The following CNTN4 variants were observed in gnomAD, a reference collection of about 807,000 sequenced individuals.
CNTN4 encodes the protein contactin-4.
Under a neutral mutation model 122.5 loss-of-function variants are expected in CNTN4, and 77 were observed. The ratio of observed to expected loss-of-function variants is 0.63; its 90% CI spans 0.52 to 0.76. The LOEUF (loss-of-function observed/expected upper bound fraction) is 0.76, where lower values mean the gene tolerates loss of function less well. CNTN4 is among the 30% of genes least tolerant of loss of function. CNTN4 has a pLI of 0.00. For synonymous variants in CNTN4, 512 were observed against 447.0 expected (o/e 1.15, Z -1.83); for missense variants, 1,256 against 1,259.1 (o/e 1.00, Z 0.04).
intron 2 of CNTN4, among the ~76,000 whole-genome samples, chr3:2,124,485 A>G (rs967582812): frequency 6.9e-6 from 1 of 144,034 alleles, no homozygotes. Context: ...CCCTTAAGCA[A>G]GGTATGCTGG....
intron 2 of CNTN4, among the ~76,000 whole-genome samples, chr3:2,301,904 A>C (rs566184607): frequency 1.3e-4 from 20 of 152,350 alleles, no homozygotes; most frequent in Non-Finnish European, 1.2e-4. Flanking sequence ...CGTGAGAGAA[A>C]TCAGCAATAA....
chr3:2,126,739 T>A (rs2034193161), intron 2 of CNTN4, among the ~76,000 whole-genome samples: 1 of 152,130 alleles, frequency 6.6e-6, no homozygotes, highest in African/African-American at 2.4e-5. Context: ...CAAGTAATAT[T>A]TTTCTTACTT....
intron 13 of CNTN4, among the ~76,000 whole-genome samples, chr3:2,927,956 T>G (rs2094488734): frequency 6.6e-6 from 1 of 152,182 alleles, no homozygotes; most frequent in Non-Finnish European, 1.5e-5. Context: ...TCACTCAGAA[T>G]GTATTAACCA....
chr3:2,712,445 G>T (rs2087207667), intron 4 of CNTN4, among the ~76,000 whole-genome samples: 1 of 152,056 alleles, frequency 6.6e-6, no homozygotes, highest in South Asian at 2.1e-4. Flanking sequence ...CCCATTGCAG[G>T]GTTCATGATT....
intron 2 of CNTN4, among the ~76,000 whole-genome samples, chr3:2,327,724 A>G (rs979583181): frequency 1.6e-4 from 24 of 152,202 alleles, no homozygotes; most frequent in African/African-American, 5.8e-4. Flanking sequence ...TCCAAATGCC[A>G]GAATAAATAG....
intron 2 of CNTN4, among the ~76,000 whole-genome samples, chr3:2,308,198 A>G (rs920441259): frequency 1.3e-5 from 2 of 152,062 alleles, no homozygotes; most frequent in Non-Finnish European, 2.9e-5. Flanking sequence ...GTAGTGGTTT[A>G]TAGTAATTGC....
chr3:2,492,661 A>G (rs1053433997), intron 3 of CNTN4, among the ~76,000 whole-genome samples: 3 of 152,170 alleles, frequency 2.0e-5, no homozygotes, highest in Non-Finnish European at 4.4e-5. Flanking sequence ...TGTTTGGCTT[A>G]TTATCAAATT....
chr3:2,164,759 G>C (rs1255242838), intron 2 of CNTN4, among the ~76,000 whole-genome samples: 1 of 152,074 alleles, frequency 6.6e-6, no homozygotes, highest in Non-Finnish European at 1.5e-5. Context: ...TGCAATCATA[G>C]TATTCTCTCA....
intron 2 of CNTN4, among the ~76,000 whole-genome samples, chr3:2,156,106 G>A (rs2035706016): frequency 6.6e-6 from 1 of 152,148 alleles, no homozygotes; most frequent in African/African-American, 2.4e-5. Flanking sequence ...TGCTTCAGAA[G>A]GGGGTGTAAT....
intron 3 of CNTN4, among the ~76,000 whole-genome samples, chr3:2,379,916 G>T (rs1337564911): frequency 6.6e-6 from 1 of 152,050 alleles, no homozygotes; most frequent in East Asian, 1.9e-4. Context: ...AATTAGCTGG[G>T]CATGGTGGCA....
intron 2 of CNTN4, among the ~76,000 whole-genome samples, chr3:2,301,327 T>C (rs1265257696): frequency 1.3e-5 from 2 of 152,240 alleles, no homozygotes; most frequent in Non-Finnish European, 2.9e-5. Flanking sequence ...CTTAACCATT[T>C]ATTAAACTAT....
At chr3:2,627,696 TG>T (rs1648948152) in intron 4 of CNTN4, among the ~76,000 whole-genome samples, 2 of 152,022 alleles carry the variant, frequency 1.3e-5, no homozygotes, top group South Asian at 4.1e-4. Context: ...GGTTTCACCG[TG>T]TTAGCCAGGA....
At chr3:2,816,300 G>T (rs1016347784) in intron 6 of CNTN4, among the ~76,000 whole-genome samples, 1 of 149,280 alleles carries the variant, frequency 6.7e-6, no homozygotes, top group African/African-American at 2.6e-5. Context: ...CTTGCAATGA[G>T]CCGAGATCGT....
intron 6 of CNTN4, among the ~76,000 whole-genome samples, chr3:2,754,295 A>G (rs79104973): frequency 0.021 from 3,123 of 152,302 alleles, 109 homozygotes; most frequent in African/African-American, 0.072. Context: ...CTGCAAAGCA[A>G]AAGACTTAAG....
chr3:2,844,230 A>G (rs1179884234), intron 7 of CNTN4, among the ~76,000 whole-genome samples: 1 of 152,076 alleles, frequency 6.6e-6, no homozygotes, highest in East Asian at 1.9e-4. Flanking sequence ...ATCCTTCTCC[A>G]TCGCTTTCAC....
chr3:2,166,968 A>G (rs1428825796), intron 2 of CNTN4, among the ~76,000 whole-genome samples: 1 of 152,178 alleles, frequency 6.6e-6, no homozygotes, highest in African/African-American at 2.4e-5. Context: ...ACAAACAACT[A>G]TGAGTGATAG....
intron 4 of CNTN4, among the ~76,000 whole-genome samples, chr3:2,588,962 G>C (rs1172657504): frequency 6.6e-6 from 1 of 152,146 alleles, no homozygotes; most frequent in Non-Finnish European, 1.5e-5. Context: ...AAAAGTTGAT[G>C]TAAATCAATT....
intron 3 of CNTN4, among the ~76,000 whole-genome samples, chr3:2,553,773 G>T (rs192253491): frequency 6.6e-6 from 1 of 152,252 alleles, no homozygotes. Flanking sequence ...ATCATGAAAA[G>T]TTACTATTAA....
intron 13 of CNTN4, among the ~76,000 whole-genome samples, chr3:2,983,371 T>C (rs1359239700): frequency 6.6e-6 from 1 of 151,592 alleles, no homozygotes; most frequent in African/African-American, 2.4e-5. Flanking sequence ...TGAGGCATCA[T>C]AATGTGTTGT....
Sources: gnomAD v4.1 joint callset for allele counts (sites outside exome capture counted in the v4.1 genomes callset) on GRCh38, gnomAD v4.1.1 for gene constraint, MANE v1.5 for transcripts, NCBI Gene and HGNC (gene_info 2026-07-23, HGNC 2026-07-21) for gene names.